Variants in ATAD1 observed in about 807,000 individuals in gnomAD.
ATAD1 encodes the protein outer mitochondrial transmembrane helix translocase.
ATAD1 carries 18 observed loss-of-function variants against 42.7 expected under a neutral mutation model. The ratio of observed to expected loss-of-function variants is 0.42; its 90% CI spans 0.29 to 0.63. The LOEUF is 0.63. Among genes scored for constraint, ATAD1 ranks in the 20% least tolerant of loss-of-function variants. The probability of loss-of-function intolerance (pLI) is 0.19; values close to 1 mark genes in which losing one functional copy is unlikely to be tolerated. For missense variants in ATAD1, 294 were observed against 440.4 expected (o/e 0.67, Z 2.98); for synonymous variants, 132 against 143.1 (o/e 0.92, Z 0.55).
chr10:87,791,184 GAC>G (rs898528562), intron 3 of ATAD1, among the ~76,000 whole-genome samples: 1 of 141,644 alleles, frequency 7.1e-6, no homozygotes, highest in African/African-American at 2.7e-5. Flanking sequence ...CATCCTAGGT[GAC>G]AGAGTGAGAC....
At chr10:87,817,909 G>C in intron 1 of ATAD1, 2 of 985,584 alleles carry the variant, frequency 2.0e-6, no homozygotes, top group Non-Finnish European at 2.4e-6. Context: ...GGAATGGCAC[G>C]AGTCTTGGGG....
chr10:87,798,657 T>TGTGTGTGTGTGTG (rs1349200937), intron 2 of ATAD1, among the ~76,000 whole-genome samples: 6 of 149,896 alleles, frequency 4.0e-5, no homozygotes, highest in Non-Finnish European at 3.0e-5. Flanking sequence ...TGTGTGTGTA[T>TGTGTGTGTGTGTG]TTAAAATGCC....
intron 7 of ATAD1, among the ~76,000 whole-genome samples, chr10:87,769,326 G>A (rs1054873240): frequency 1.3e-5 from 2 of 152,106 alleles, no homozygotes; most frequent in Admixed American, 6.5e-5. Flanking sequence ...ACTACCCTCA[G>A]AACTCACCAT....
chr10:87,784,404 A>AT, intron 5 of ATAD1, 66 bp downstream of exon 5: 1 of 1,475,346 alleles, frequency 6.8e-7, no homozygotes, highest in Non-Finnish European at 9.4e-7. Flanking sequence ...TTAAAAACTA[A>AT]ATCTGGTTAT....
chr10:87,765,367 C>T (rs1854691016), intron 8 of ATAD1, among the ~76,000 whole-genome samples: 1 of 151,644 alleles, frequency 6.6e-6, no homozygotes, highest in Non-Finnish European at 1.5e-5. Flanking sequence ...CAATTATATG[C>T]AGTTATCGAG....
chr10:87,788,494 T>C (rs1329631004), intron 4 of ATAD1, among the ~76,000 whole-genome samples: 3 of 152,226 alleles, frequency 2.0e-5, no homozygotes, highest in Non-Finnish European at 4.4e-5. Context: ...CAAAACTTTA[T>C]ATAATCAGAA....
At chr10:87,810,788 C>G (rs1259770609) in intron 2 of ATAD1, among the ~76,000 whole-genome samples, 1 of 152,088 alleles carries the variant, frequency 6.6e-6, no homozygotes, top group Non-Finnish European at 1.5e-5. Flanking sequence ...AACACTGTGT[C>G]TTTATCTTTA....
chr10:87,808,219 T>C (rs1857013276), intron 2 of ATAD1, among the ~76,000 whole-genome samples: 1 of 152,174 alleles, frequency 6.6e-6, no homozygotes, highest in South Asian at 2.1e-4. Context: ...GACTATTTAG[T>C]TTCTTCTTTT....
At chr10:87,802,704 C>T (rs927311614) in intron 2 of ATAD1, among the ~76,000 whole-genome samples, 1 of 151,268 alleles carries the variant, frequency 6.6e-6, no homozygotes, top group Non-Finnish European at 1.5e-5. Context: ...TACAAACAAT[C>T]TGGCCAATTA....
intron 1 of ATAD1, chr10:87,832,789 G>C (rs1857856880): frequency 1.3e-5 from 2 of 152,060 alleles, no homozygotes; most frequent in South Asian, 4.2e-4. Flanking sequence ...ATAGTGTCAT[G>C]GGTTGAGTCT....
intron 2 of ATAD1, among the ~76,000 whole-genome samples, chr10:87,802,077 A>G (rs1241437897): frequency 1.3e-5 from 2 of 152,204 alleles, no homozygotes; most frequent in Admixed American, 6.5e-5. Context: ...TGATTTCTCT[A>G]GAATTTGGAA....
chr10:87,835,407 C>T (rs1857912828), intron 1 of ATAD1, among the ~76,000 whole-genome samples: 1 of 152,044 alleles, frequency 6.6e-6, no homozygotes, highest in African/African-American at 2.4e-5. Context: ...TTTTATAATG[C>T]CCTTCTTTAT....
chr10:87,825,420 C>T (rs1857708449), intron 1 of ATAD1, among the ~76,000 whole-genome samples: 1 of 151,742 alleles, frequency 6.6e-6, no homozygotes, highest in South Asian at 2.1e-4. Flanking sequence ...CGCCATTCTC[C>T]TGCTTCAGCC....
At chr10:87,817,791 A>G (rs1204182794) in intron 1 of ATAD1, 7 of 985,356 alleles carry the variant, frequency 7.1e-6, no homozygotes, top group Non-Finnish European at 8.4e-6. Context: ...TGCGACAATC[A>G]GACCTGGTTC....
At chr10:87,766,499 A>G (rs1854756583) in intron 8 of ATAD1, among the ~76,000 whole-genome samples, 2 of 152,250 alleles carry the variant, frequency 1.3e-5, no homozygotes, top group South Asian at 4.1e-4. Flanking sequence ...AGCAATGCAC[A>G]GAACAGTGTG....
At chr10:87,762,052 G>A (rs1191406017) in intron 8 of ATAD1, among the ~76,000 whole-genome samples, 1 of 152,056 alleles carries the variant, frequency 6.6e-6, no homozygotes, top group African/African-American at 2.4e-5. Context: ...GCACTGACAT[G>A]AGTAACTTCT....
intron 4 of ATAD1, among the ~76,000 whole-genome samples, chr10:87,787,076 C>T (rs573679289): frequency 6.6e-6 from 1 of 152,224 alleles, no homozygotes; most frequent in Non-Finnish European, 1.5e-5. Flanking sequence ...ATGGTCTCCA[C>T]AGTGATAATA....
In ATAD1 at chr10:87,751,873, C is replaced by A. The variant is rs949852863; in HGVS notation, c.*2814G>T. On this transcript the variant is annotated 3_prime_UTR_variant, in exon 10 of 10. Transcript: ENST00000680024. The stretch of plus-strand genomic sequence containing the variant: ...AAATATACATCATCCAATTTATTTT[C>A]TTTATCCAGAAGAAATCTGTTAACA... The A allele has an allele frequency of 2.6e-5, 4 of 152,078 alleles. No individual in the cohort carries two copies. Among genetic ancestry groups the A allele is most frequent in the African/African-American group, 9.7e-5 (4 of 41,410 alleles). The allele number at this position is 152,078 out of a possible 1,614,324, so 9.4% of individuals were successfully genotyped here.
intron 7 of ATAD1, among the ~76,000 whole-genome samples, chr10:87,769,774 C>T (rs574557903): frequency 5.4e-4 from 82 of 152,060 alleles, no homozygotes; most frequent in Non-Finnish European, 6.0e-4. Flanking sequence ...GGTGAAACCC[C>T]GTCTCTACTA....
Sources: allele counts gnomAD v4.1 joint callset (sites outside exome capture counted in the v4.1 genomes callset), GRCh38; gene constraint gnomAD v4.1.1; transcripts MANE v1.5; gene names NCBI Gene and HGNC (gene_info 2026-07-23, HGNC 2026-07-21).